The following EFHB variants were observed in gnomAD, a reference collection of about 807,000 sequenced individuals.
The protein encoded by EFHB is EF-hand domain-containing family member B.
EFHB carries 91 observed loss-of-function variants against 87.2 expected under a neutral mutation model. The ratio of observed to expected loss-of-function variants is 1.04; its 90% confidence interval spans 0.88 to 1.24. The LOEUF (loss-of-function observed/expected upper bound fraction) is 1.24, where lower values mean the gene tolerates loss of function less well. Among genes scored for constraint, EFHB ranks in the 50% most tolerant of loss-of-function variants. The probability of loss-of-function intolerance (pLI) is 0.00; values close to 1 mark genes in which losing one functional copy is unlikely to be tolerated. For synonymous variants in EFHB, 325 were observed against 333.6 expected (o/e 0.97, Z 0.28); for missense variants, 1,084 against 998.8 (o/e 1.09, Z -1.15).
chr3:19,904,203 C>A (rs572781672), intron 6 of EFHB, among the ~76,000 whole-genome samples: 1 of 152,094 alleles, frequency 6.6e-6, no homozygotes, highest in African/African-American at 2.4e-5. Flanking sequence ...AATATGAATG[C>A]GAGGCCCATG....
At chr3:19,909,403 T>C (rs993874539) in intron 5 of EFHB, among the ~76,000 whole-genome samples, 4 of 152,150 alleles carry the variant, frequency 2.6e-5, no homozygotes, top group African/African-American at 7.2e-5. Context: ...CCAATCCCAG[T>C]AGTCCAAACT....
chr3:19,915,340 A>G lies in EFHB; in HGVS notation c.1251T>C (p.His417=), dbSNP rs771860890. ...EEVFKEGNEG[H]DLYVVSHNDY... Reference sequence around the variant, plus strand: ...CATTGTGAGAAACAACATACAAATCATGTCCTTCATTTCCTTCTTTAAATA... The same window carrying G: ...CATTGTGAGAAACAACATACAAATCGTGTCCTTCATTTCCTTCTTTAAATA... The change falls in exon 5 of 13, where the codon CAT becomes CAC. Residue 417 remains histidine (H), a synonymous_variant. Coordinates refer to ENST00000295824, the MANE Select transcript of EFHB (RefSeq NM_144715.4). 2 of 1,613,156 alleles carry G rather than the reference A, an allele frequency of 1.2e-6. No homozygotes were observed. The highest frequency in any genetic ancestry group is 8.5e-7 in the Non-Finnish European group (1 of 1,179,412).
intron 11 of EFHB, among the ~76,000 whole-genome samples, chr3:19,884,191 A>T (rs573336667): frequency 6.6e-6 from 1 of 152,296 alleles, no homozygotes; most frequent in South Asian, 2.1e-4. Flanking sequence ...ATTAATATAT[A>T]AAGAATCATT....
At chr3:19,932,504 C>T (rs1359659220) in intron 1 of EFHB, among the ~76,000 whole-genome samples, 1 of 152,152 alleles carries the variant, frequency 6.6e-6, no homozygotes, top group Non-Finnish European at 1.5e-5. Flanking sequence ...GTGCTCTATA[C>T]CTTTTTATGC....
intron 11 of EFHB, among the ~76,000 whole-genome samples, chr3:19,883,963 G>T (rs191412837): frequency 2.6e-5 from 4 of 152,188 alleles, no homozygotes; most frequent in Non-Finnish European, 4.4e-5. Flanking sequence ...TAAGACACCA[G>T]TTTGTGGTAC....
rs1359163386 is a variant in EFHB, at chr3:19,902,106, T to C, written c.1419-2591A>G. ...GGAAGTATCTGTGGGCAACCATGTA[T>C]GTCAGAATATCAATAACTGCAACAT... On this transcript the variant is annotated intron_variant, in intron 6 of 12. Transcript: ENST00000295824. 3.3e-5 allele frequency among the ~76,000 whole-genome samples: 5 copies of C among 152,314 alleles called. No homozygotes were observed. In the East Asian group the frequency reaches 9.6e-4, roughly 29 times the overall value.
chr3:19,915,092 A>C (rs1177142085), intron 5 of EFHB, among the ~76,000 whole-genome samples: 1 of 152,154 alleles, frequency 6.6e-6, no homozygotes, highest in Non-Finnish European at 1.5e-5. Context: ...CTGTCTAAAA[A>C]AAAAAATTTA....
intron 1 of EFHB, among the ~76,000 whole-genome samples, chr3:19,939,524 A>G (rs1207085444): frequency 6.6e-6 from 1 of 151,276 alleles, no homozygotes; most frequent in South Asian, 2.1e-4. Context: ...AGCTGGGACT[A>G]CAGGCGCCCG....
At chr3:19,911,908 C>T (rs1369484709) in intron 5 of EFHB, among the ~76,000 whole-genome samples, 4 of 151,938 alleles carry the variant, frequency 2.6e-5, no homozygotes, top group Admixed American at 2.0e-4. Context: ...CCCAGGAATT[C>T]GAGACTAGCC....
intron 1 of EFHB, among the ~76,000 whole-genome samples, chr3:19,944,288 G>A (rs912318005): frequency 6.6e-6 from 1 of 152,206 alleles, no homozygotes; most frequent in Non-Finnish European, 1.5e-5. Flanking sequence ...CCTGTGAATG[G>A]TAGAGAGACA....
chr3:19,887,623 A>G (rs1694153052), intron 10 of EFHB, among the ~76,000 whole-genome samples: 1 of 152,126 alleles, frequency 6.6e-6, no homozygotes, highest in South Asian at 2.1e-4. Context: ...CATAAAGTAC[A>G]CTAACACTAA....
chr3:19,900,144 T>C lies in EFHB; in HGVS notation c.1419-629A>G, dbSNP rs75727606. ...AAATTAAGCATCAGGCCAGGCACAG[T>C]GGTTCATGCCTGTAATCTCAATACT... On this transcript the variant is annotated intron_variant, in intron 6 of 12. Coordinates refer to ENST00000295824, the MANE Select transcript of EFHB (RefSeq NM_144715.4). Among the ~76,000 whole-genome samples, 717 of 152,220 alleles carry C rather than the reference T, an allele frequency of 4.7e-3. 6 individuals are homozygous for C. The highest frequency in any genetic ancestry group is 0.014 in the African/African-American group (597 of 41,536).
chr3:19,886,815 G>A (rs571619491), intron 10 of EFHB, among the ~76,000 whole-genome samples: 2 of 151,920 alleles, frequency 1.3e-5, no homozygotes, highest in East Asian at 3.9e-4. Context: ...CACAGACTTA[G>A]CTGATAAAAT....
At position 19,896,732 on chromosome 3, in the gene EFHB, G is replaced by A. The variant is rs904570978; in HGVS notation, c.1680C>T (p.Tyr560=). 19 of 1,613,906 alleles carry A rather than the reference G, an allele frequency of 1.2e-5. No homozygotes were observed. Among genetic ancestry groups the A allele is most frequent in the Non-Finnish European group, 1.5e-5 (18 of 1,179,900 alleles). The change falls in exon 9 of 13, where the codon TAC becomes TAT. Residue 560 remains tyrosine, a synonymous_variant. Coordinates refer to ENST00000295824, the MANE Select transcript of EFHB (RefSeq NM_144715.4). ...AVRHHLKKVN[Y]QKFDTLLAAF... is the part of the protein sequence containing the mutation. Reference sequence around the variant, plus strand: ...CTGCCAGCAAAGTGTCAAACTTTTGGTAATTAACTTTCTTCAGGTGATGCC... The same window carrying A: ...CTGCCAGCAAAGTGTCAAACTTTTGATAATTAACTTTCTTCAGGTGATGCC...
intron 1 of EFHB, among the ~76,000 whole-genome samples, chr3:19,939,645 G>A (rs144334172): frequency 4.6e-5 from 7 of 152,028 alleles, no homozygotes; most frequent in Non-Finnish European, 5.9e-5. Context: ...CGACCTCCCA[G>A]AGTGCTGGGA....
Position 19,906,201 on chromosome 3 carries a change from C to T in EFHB, c.1289-452G>A, listed in dbSNP as rs561064370. ...AAAATTAGCTGGTCATGATGGCATGCACCTGTAATCCCAGCTACTTCGGAG... is the reference window on the plus strand; with the variant it reads ...AAAATTAGCTGGTCATGATGGCATGTACCTGTAATCCCAGCTACTTCGGAG... On this transcript the variant is annotated intron_variant, in intron 5 of 12. Coordinates refer to ENST00000295824, the MANE Select transcript of EFHB (RefSeq NM_144715.4). 2.5e-4 allele frequency among the ~76,000 whole-genome samples: 38 copies of T among 152,236 alleles called. 1 individual carries two copies. The highest frequency in any genetic ancestry group is 8.7e-4 in the African/African-American group (36 of 41,540).
intron 3 of EFHB, 69 bp from the exon 4 acceptor site, chr3:19,918,481 T>C (rs1695316463): frequency 2.2e-6 from 3 of 1,389,470 alleles, no homozygotes; most frequent in Non-Finnish European, 2.9e-6. Flanking sequence ...GAAACCCTAA[T>C]CAATAGCTGG....
At chr3:19,899,391 A>G (rs1266091444) in intron 7 of EFHB, 41 bp downstream of exon 7, 1 of 1,441,120 alleles carries the variant, frequency 6.9e-7, no homozygotes, top group Non-Finnish European at 9.5e-7. Flanking sequence ...TTTAAATTCT[A>G]TGCAAAGAAA....
At chr3:19,893,631 G>A (rs1043810935) in intron 9 of EFHB, among the ~76,000 whole-genome samples, 1 of 152,170 alleles carries the variant, frequency 6.6e-6, no homozygotes, top group African/African-American at 2.4e-5. Context: ...CTGACTGCCA[G>A]GCAGTTCTGA....
Sources: gnomAD v4.1 joint callset for allele counts (sites outside exome capture counted in the v4.1 genomes callset) on GRCh38, gnomAD v4.1.1 for gene constraint, MANE v1.5 for transcripts, NCBI Gene and HGNC (gene_info 2026-07-23, HGNC 2026-07-21) for gene names.